Variants in FBN2 observed in about 807,000 individuals in gnomAD.
FBN2 encodes the protein fibrillin 2, also known as fibrillin-2.
In FBN2, 105 loss-of-function variants were observed where a neutral mutation model predicts 355.6. That is an observed-to-expected ratio of 0.30 (90% CI 0.25 to 0.35). The LOEUF is 0.35. Ranked by LOEUF, FBN2 falls within the 10% of genes least tolerant of loss-of-function variation. FBN2 has a pLI of 1.00. For missense variants in FBN2, 3,280 were observed against 3,758.7 expected, an observed-to-expected ratio of 0.87 and a Z score of 3.33; for synonymous variants, 1,350 against 1,301.2, an observed-to-expected ratio of 1.04 and a Z score of -0.81.
At chr5:128,467,990 C>T (rs1754758299) in intron 5 of FBN2, among the ~76,000 whole-genome samples, 1 of 152,102 alleles carries the variant, frequency 6.6e-6, no homozygotes, top group Admixed American at 6.5e-5. Context: ...CCATAATTCG[C>T]CTGTTTTAAG....
intron 10 of FBN2, 100 bp from the exon 11 acceptor site, chr5:128,392,255 T>C (rs112545161): frequency 1.0e-6 from 1 of 974,178 alleles, no homozygotes; most frequent in Non-Finnish European, 1.6e-6. Flanking sequence ...TAATTAGATG[T>C]ATATCAGAAG....
chr5:128,328,344 T>C, intron 34 of FBN2: 2 of 528,404 alleles, frequency 3.8e-6, no homozygotes, highest in Non-Finnish European at 6.8e-6. Context: ...ACACAATAAA[T>C]AGTGGTAGTT....
chr5:128,294,297 T>C (rs1044641852), intron 48 of FBN2, among the ~76,000 whole-genome samples: 4 of 151,956 alleles, frequency 2.6e-5, no homozygotes, highest in Non-Finnish European at 4.4e-5. Flanking sequence ...GCAATAAACA[T>C]ACGTGTGCAT....
intron 7 of FBN2, among the ~76,000 whole-genome samples, chr5:128,410,923 T>C (rs1452617364): frequency 1.3e-5 from 2 of 152,230 alleles, no homozygotes; most frequent in African/African-American, 4.8e-5. Context: ...GCTAGACATC[T>C]ACCATATTTT....
At chr5:128,290,021 T>G (rs1749277447) in intron 50 of FBN2, 74 bp from the exon 51 acceptor site, 1 of 839,186 alleles carries the variant, frequency 1.2e-6, no homozygotes, top group Non-Finnish European at 2.1e-6. Flanking sequence ...GGATGAACAA[T>G]ATACATGAAA....
chr5:128,361,284 G>T (rs1282547372), intron 19 of FBN2, among the ~76,000 whole-genome samples: 2 of 152,172 alleles, frequency 1.3e-5, no homozygotes, highest in Non-Finnish European at 2.9e-5. Context: ...CAAATATTTT[G>T]TGGGCTGACT....
intron 6 of FBN2, among the ~76,000 whole-genome samples, chr5:128,449,489 A>ATAT (rs1237449069): frequency 4.1e-5 from 6 of 145,334 alleles, no homozygotes; most frequent in Non-Finnish European, 6.0e-5. Context: ...TGGCATAATA[A>ATAT]TATTATACTA....
At chr5:128,494,145 A>G (rs1345053700) in intron 5 of FBN2, among the ~76,000 whole-genome samples, 1 of 152,206 alleles carries the variant, frequency 6.6e-6, no homozygotes, top group Non-Finnish European at 1.5e-5. Context: ...CTATTTATAA[A>G]GCAGCAGTGT....
intron 25 of FBN2, among the ~76,000 whole-genome samples, chr5:128,343,287 C>T (rs1463386550): frequency 6.6e-6 from 1 of 152,120 alleles, no homozygotes; most frequent in East Asian, 1.9e-4. Flanking sequence ...TCAGACTCTC[C>T]CAGCCAAGTG....
intron 6 of FBN2, among the ~76,000 whole-genome samples, chr5:128,457,960 C>A (rs1754445348): frequency 6.6e-6 from 1 of 151,780 alleles, no homozygotes; most frequent in South Asian, 2.1e-4. Context: ...TCACATGTGA[C>A]AATACTAACC....
At chr5:128,447,934 T>C (rs1322593489) in intron 6 of FBN2, among the ~76,000 whole-genome samples, 1 of 152,242 alleles carries the variant, frequency 6.6e-6, no homozygotes, top group Non-Finnish European at 1.5e-5. Flanking sequence ...ACATCCATAC[T>C]GTTATGTGGA....
intron 61 of FBN2, among the ~76,000 whole-genome samples, chr5:128,272,417 C>T (rs532887735): frequency 1.3e-5 from 2 of 148,552 alleles, no homozygotes; most frequent in African/African-American, 2.5e-5. Context: ...AAATGTTGTA[C>T]ATTTTGAACT....
chr5:128,298,608 C>T (rs1749607794), intron 48 of FBN2, among the ~76,000 whole-genome samples: 1 of 152,212 alleles, frequency 6.6e-6, no homozygotes, highest in African/African-American at 2.4e-5. Flanking sequence ...CGCTGATACC[C>T]TTTCTTCCAG....
chr5:128,534,665 T>C (rs1303692399), intron 2 of FBN2, among the ~76,000 whole-genome samples: 1 of 152,198 alleles, frequency 6.6e-6, no homozygotes, highest in Non-Finnish European at 1.5e-5. Context: ...CAGATTACAA[T>C]AGTCACTGTT....
At chr5:128,502,849 T>C (rs1755854515) in intron 5 of FBN2, among the ~76,000 whole-genome samples, 1 of 152,188 alleles carries the variant, frequency 6.6e-6, no homozygotes, top group African/African-American at 2.4e-5. Flanking sequence ...AGGCAGAAAA[T>C]TCCTCTTCTT....
intron 42 of FBN2, among the ~76,000 whole-genome samples, chr5:128,306,823 G>T (rs1749897798): frequency 6.6e-6 from 1 of 152,126 alleles, no homozygotes; most frequent in Non-Finnish European, 1.5e-5. Flanking sequence ...GTTAAAATAA[G>T]GTAGATTATT....
chr5:128,299,544 G>T (rs531948466), intron 48 of FBN2, among the ~76,000 whole-genome samples: 2 of 152,110 alleles, frequency 1.3e-5, no homozygotes, highest in Non-Finnish European at 2.9e-5. Flanking sequence ...TTTTAAGCCC[G>T]TCGGAAAACC....
At chr5:128,312,502 T>C (rs1750081503) in intron 37 of FBN2, 132 bp downstream of exon 37, 5 of 901,052 alleles carry the variant, frequency 5.5e-6, no homozygotes, top group Non-Finnish European at 8.8e-6. Context: ...GAGTGATCAC[T>C]GAAAGTAGTT....
intron 11 of FBN2, among the ~76,000 whole-genome samples, chr5:128,386,357 C>T (rs572850297): frequency 2.2e-4 from 34 of 152,170 alleles, no homozygotes; most frequent in African/African-American, 7.7e-4. Flanking sequence ...TTTCTAGGTT[C>T]TCTAACCTGT....
Sources: gnomAD v4.1 joint callset for allele counts (sites outside exome capture counted in the v4.1 genomes callset) on GRCh38, gnomAD v4.1.1 for gene constraint, MANE v1.5 for transcripts, NCBI Gene and HGNC (gene_info 2026-07-23, HGNC 2026-07-21) for gene names.